The following RBFOX1 variants were observed in gnomAD, a reference collection of about 807,000 sequenced individuals.
RBFOX1 encodes the protein RNA binding fox-1 homolog 1.
In RBFOX1, 8 loss-of-function variants were observed where a neutral mutation model predicts 57.7. That is an observed-to-expected ratio of 0.14 (90% CI 0.08 to 0.25). RBFOX1 has a LOEUF of 0.25. Among genes scored for constraint, RBFOX1 ranks in the 10% least tolerant of loss-of-function variants. The probability of loss-of-function intolerance (pLI) is 1.00; values close to 1 mark genes in which losing one functional copy is unlikely to be tolerated. For missense variants in RBFOX1, 611 were observed against 548.5 expected (o/e 1.11, Z -1.14); for synonymous variants, 326 against 222.4 (o/e 1.47, Z -4.15).
At chr16:7,100,198 G>A in intron 4 of RBFOX1, among the ~76,000 whole-genome samples, 1 of 152,050 alleles carries the variant, frequency 6.6e-6, no homozygotes, top group East Asian at 1.9e-4. Context: ...TTCGAAATTT[G>A]TGTGTTAAAG....
intron 4 of RBFOX1, among the ~76,000 whole-genome samples, chr16:7,162,304 C>G (rs1255535289): frequency 1.3e-5 from 2 of 152,144 alleles, no homozygotes; most frequent in Admixed American, 6.6e-5. Flanking sequence ...TACACACATA[C>G]ATGCACACAT....
At chr16:7,522,190 G>C (rs1201971867) in intron 5 of RBFOX1, among the ~76,000 whole-genome samples, 5 of 152,210 alleles carry the variant, frequency 3.3e-5, no homozygotes, top group Admixed American at 3.3e-4. Context: ...AAACGAAGTA[G>C]ACAGAATCTT....
At chr16:5,552,548 C>T (rs1042498362) in intron 2 of RBFOX1, among the ~76,000 whole-genome samples, 2 of 152,174 alleles carry the variant, frequency 1.3e-5, no homozygotes, top group Non-Finnish European at 2.9e-5. Flanking sequence ...TGGTTAGAAG[C>T]CTGGCTTTTC....
At chr16:5,486,519 G>A (rs2042632577) in intron 2 of RBFOX1, among the ~76,000 whole-genome samples, 1 of 152,192 alleles carries the variant, frequency 6.6e-6, no homozygotes, top group Admixed American at 6.5e-5. Context: ...GAAGGTCTGT[G>A]CAGTGACAAC....
chr16:5,626,664 A>G (rs2048359198), intron 3 of RBFOX1, among the ~76,000 whole-genome samples: 1 of 152,056 alleles, frequency 6.6e-6, no homozygotes, highest in South Asian at 2.1e-4. Context: ...ACGAGCTCCG[A>G]TATTCATCAG....
intron 3 of RBFOX1, among the ~76,000 whole-genome samples, chr16:6,936,043 G>C (rs897783565): frequency 6.6e-6 from 1 of 152,138 alleles, no homozygotes; most frequent in African/African-American, 2.4e-5. Context: ...TTCTCAATGC[G>C]CAAGAGTATT....
chr16:6,915,692 A>T (rs912387030), intron 3 of RBFOX1, among the ~76,000 whole-genome samples: 1 of 151,784 alleles, frequency 6.6e-6, no homozygotes, highest in African/African-American at 2.4e-5. Flanking sequence ...CTGTGAGTAC[A>T]GGTGCGCACC....
intron 4 of RBFOX1, among the ~76,000 whole-genome samples, chr16:5,923,077 C>G (rs191134565): frequency 6.6e-6 from 1 of 152,120 alleles, no homozygotes; most frequent in Non-Finnish European, 1.5e-5. Flanking sequence ...TAACCTCTTC[C>G]GCTGCTTGCT....
chr16:7,149,729 T>A (rs974347049), intron 4 of RBFOX1, among the ~76,000 whole-genome samples: 1 of 151,888 alleles, frequency 6.6e-6, no homozygotes, highest in African/African-American at 2.4e-5. Flanking sequence ...GCTCTTTCCT[T>A]CCCTCTCTAC....
At position 7,418,406 on chromosome 16, in the gene RBFOX1, CAGG is replaced by C. The variant is rs1164374235; in HGVS notation, c.28-99738_28-99736del. ...ATACTTGCCCATGTCCCATGGTGTCCAGGAGACTTTTCATTAAATGAGGTGACC... is the reference window on the plus strand; with the variant it reads ...ATACTTGCCCATGTCCCATGGTGTCCAGACTTTTCATTAAATGAGGTGACC... On this transcript the variant is annotated intron_variant, in intron 4 of 15. Transcript: ENST00000550418. Among the ~76,000 whole-genome samples, 3 of 152,306 alleles carry C rather than the reference CAGG, an allele frequency of 2.0e-5. No homozygotes were observed. In the East Asian group the frequency reaches 5.8e-4, roughly 29 times the overall value.
intron 1 of RBFOX1, among the ~76,000 whole-genome samples, chr16:5,432,389 C>G (rs909877059): frequency 2.6e-5 from 4 of 152,216 alleles, no homozygotes; most frequent in African/African-American, 9.7e-5. Flanking sequence ...CGTGCCTCCG[C>G]CGGCCCCTGT....
chr16:7,368,993 G>A (rs991388804), intron 4 of RBFOX1, among the ~76,000 whole-genome samples: 1 of 152,064 alleles, frequency 6.6e-6, no homozygotes, highest in East Asian at 1.9e-4. Flanking sequence ...AGCTGAGCAA[G>A]AAGTGCTAGA....
intron 2 of RBFOX1, among the ~76,000 whole-genome samples, chr16:6,538,770 A>G (rs187169797): frequency 6.6e-6 from 1 of 152,136 alleles, no homozygotes; most frequent in African/African-American, 2.4e-5. Context: ...GTTTTTTTTC[A>G]TGGCTTCTTC....
intron 2 of RBFOX1, among the ~76,000 whole-genome samples, chr16:6,539,086 T>C (rs2096775169): frequency 6.6e-6 from 1 of 151,992 alleles, no homozygotes; most frequent in Non-Finnish European, 1.5e-5. Flanking sequence ...GGCTGACTCC[T>C]TTGACCCTGG....
intron 3 of RBFOX1, among the ~76,000 whole-genome samples, chr16:6,727,333 C>T (rs1417283008): frequency 6.6e-6 from 1 of 151,982 alleles, no homozygotes; most frequent in African/African-American, 2.4e-5. Context: ...ATTGCTTTTG[C>T]ACCAACCTAA....
At chr16:6,776,438 C>G (rs899903110) in intron 3 of RBFOX1, among the ~76,000 whole-genome samples, 1 of 151,276 alleles carries the variant, frequency 6.6e-6, no homozygotes, top group African/African-American at 2.4e-5. Flanking sequence ...AAAAAACAAA[C>G]AAACAAACAA....
At chr16:6,682,287 G>C (rs2058711502) in intron 3 of RBFOX1, among the ~76,000 whole-genome samples, 1 of 152,170 alleles carries the variant, frequency 6.6e-6, no homozygotes, top group African/African-American at 2.4e-5. Context: ...CTCCTCTGGA[G>C]GGATTGAGCT....
chr16:6,627,889 A>G (rs767315376), intron 2 of RBFOX1, among the ~76,000 whole-genome samples: 12 of 152,210 alleles, frequency 7.9e-5, no homozygotes, highest in Non-Finnish European at 1.6e-4. Flanking sequence ...GACATCTTAT[A>G]AAATGGAGTT....
chr16:7,603,523 A>T (rs549805877), intron 9 of RBFOX1, among the ~76,000 whole-genome samples: 1 of 152,326 alleles, frequency 6.6e-6, no homozygotes, highest in South Asian at 2.1e-4. Context: ...GAGTAACTCT[A>T]AGAGGAGGTG....
Sources: allele counts gnomAD v4.1 joint callset (sites outside exome capture counted in the v4.1 genomes callset), GRCh38; gene constraint gnomAD v4.1.1; transcripts MANE v1.5; gene names NCBI Gene and HGNC (gene_info 2026-07-23, HGNC 2026-07-21).